The following RARRES1 variants were observed in gnomAD, a reference collection of about 807,000 sequenced individuals.
RARRES1 encodes retinoic acid receptor responder 1, also known as retinoic acid receptor responder protein 1.
A neutral mutation model predicts 30.6 loss-of-function variants in RARRES1; 34 were observed. The ratio of observed to expected loss-of-function variants is 1.11; its 90% confidence interval spans 0.84 to 1.48. The LOEUF is 1.48. RARRES1 is among the 40% of genes most tolerant of loss of function. The pLI is 0.00. For synonymous variants in RARRES1, 153 were observed against 155.5 expected (o/e 0.98, Z 0.12); for missense variants, 373 against 386.5 (o/e 0.97, Z 0.29).
At chr3:158,722,171 C>A (rs551194023) in intron 1 of RARRES1, among the ~76,000 whole-genome samples, 11 of 151,308 alleles carry the variant, frequency 7.3e-5, no homozygotes, top group African/African-American at 2.7e-4. Context: ...AAAATTCCCT[C>A]CTTGCTTCCT....
intron 1 of RARRES1, among the ~76,000 whole-genome samples, chr3:158,726,456 G>A (rs1348405673): frequency 6.6e-6 from 1 of 152,228 alleles, no homozygotes; most frequent in African/African-American, 2.4e-5. Context: ...CTCCTGCCTA[G>A]TGGCCTATAT....
intron 3 of RARRES1, among the ~76,000 whole-genome samples, chr3:158,708,903 C>T (rs571136477): frequency 5.3e-5 from 8 of 152,244 alleles, no homozygotes; most frequent in Non-Finnish European, 1.0e-4. Context: ...GTGATCCGCC[C>T]GCCTCGGCCT....
chr3:158,698,230 G>T, intron 4 of RARRES1: 1 of 428,430 alleles, frequency 2.3e-6, no homozygotes, highest in Non-Finnish European at 4.2e-6. Context: ...GGAATAGGGA[G>T]ATTCTTTTAA....
In RARRES1 at chr3:158,713,814, C is replaced by T. The variant is rs770276644; in HGVS notation, c.322G>A (p.Glu108Lys). 9.3e-6 allele frequency: 15 copies of T among 1,613,928 alleles called. No individual in the cohort carries two copies. In the South Asian group the frequency reaches 1.5e-4, roughly 17 times the overall value. ...CAGCTTACCTCTGGGTTGTAGCGCTCTGTGCTGAAGACCACGTGAACTTTA... is the reference window on the plus strand; with the variant it reads ...CAGCTTACCTCTGGGTTGTAGCGCTTTGTGCTGAAGACCACGTGAACTTTA... The part of the protein sequence containing the change: ...GCKVHVVFST[E>K]RYNPESLLQE... Residue 108 changes from glutamate (E) to lysine (K), a missense_variant, in exon 2 of 6, where the codon GAG becomes AAG. Coordinates refer to ENST00000237696, the MANE Select transcript of RARRES1 (RefSeq NM_206963.2).
At chr3:158,730,352 C>T (rs1378249364) in intron 1 of RARRES1, among the ~76,000 whole-genome samples, 1 of 128,952 alleles carries the variant, frequency 7.8e-6, no homozygotes, top group East Asian at 2.3e-4. Context: ...AGACAGGTGA[C>T]AAGAATAGGT....
chr3:158,723,948 C>T lies in RARRES1; in HGVS notation c.276+8192G>A, dbSNP rs774748292. On this transcript the variant is annotated intron_variant, in intron 1 of 5. Coordinates refer to ENST00000237696, the MANE Select transcript of RARRES1 (RefSeq NM_206963.2). The surrounding 1 kb of genome is among the most constrained non-coding windows in gnomAD (Gnocchi z 4.4). ...GTCTCTAGCAGGCCATGTGCTAGTG[C>T]AATGAAGGAGATAGAGACATGATAT... is the stretch of plus-strand genomic sequence containing the variant. Among the ~76,000 whole-genome samples the T allele has an allele frequency of 6.6e-6, 1 of 152,192 alleles. No homozygotes were observed. Among genetic ancestry groups the T allele is most frequent in the Non-Finnish European group, 1.5e-5 (1 of 68,032 alleles).
rs1727938104 is a variant in RARRES1, at chr3:158,732,347, C to G, written c.69G>C (p.Pro23=). The change falls in exon 1 of 6, where the codon CCG becomes CCC. Residue 23 remains proline (P), a synonymous_variant. Coordinates refer to ENST00000237696, the MANE Select transcript of RARRES1 (RefSeq NM_206963.2). ...SGPRGPRPTA[P]LLALLLLLAP... Reference sequence around the variant, plus strand: ...CGAGCAACAGCAGCAGCGCGAGCAGCGGGGCGGTGGGGCGCGGGCCCCTGG... The same window carrying G: ...CGAGCAACAGCAGCAGCGCGAGCAGGGGGGCGGTGGGGCGCGGGCCCCTGG... 2 of 1,423,256 alleles carry G rather than the reference C, an allele frequency of 1.4e-6. No homozygotes were observed. The highest frequency in any genetic ancestry group is 1.8e-6 in the Non-Finnish European group (2 of 1,096,474). The allele number at this position is 1,423,256 out of a possible 1,614,324, so 88.2% of individuals were successfully genotyped here. A position where few individuals can be genotyped will look rare whatever the true frequency, so the allele number is the denominator to read the frequency against.
intron 4 of RARRES1, among the ~76,000 whole-genome samples, chr3:158,701,209 C>T (rs1010399464): frequency 3.6e-4 from 55 of 152,240 alleles, no homozygotes; most frequent in Non-Finnish European, 6.5e-4. Flanking sequence ...GCTAAAGGTA[C>T]GGGCTTATCC....
At chr3:158,720,986 G>A (rs1229790321) in intron 1 of RARRES1, among the ~76,000 whole-genome samples, 5 of 152,240 alleles carry the variant, frequency 3.3e-5, no homozygotes, top group Non-Finnish European at 5.9e-5. Context: ...ACCTCAACCC[G>A]TAACAGATGG....
chr3:158,713,160 C>T (rs1241059518), intron 2 of RARRES1, among the ~76,000 whole-genome samples: 3 of 152,158 alleles, frequency 2.0e-5, no homozygotes, highest in East Asian at 3.9e-4. Flanking sequence ...AGCATTTGAG[C>T]TGGTCTCCTC....
Position 158,708,853 on chromosome 3 carries a change from T to G in RARRES1, c.535+1885A>C, listed in dbSNP as rs111995278. ...GGCTATTTTTCAGTAGAGATGGGGTTTCACCGTGTTAGCCAGGATGGTCTC... is the reference window on the plus strand; with the variant it reads ...GGCTATTTTTCAGTAGAGATGGGGTGTCACCGTGTTAGCCAGGATGGTCTC... On this transcript the variant is annotated intron_variant, in intron 3 of 5. Transcript: ENST00000237696. Among the ~76,000 whole-genome samples the G allele has an allele frequency of 4.0e-3, 608 of 152,126 alleles. 4 individuals are homozygous for G. Among genetic ancestry groups the G allele is most frequent in the African/African-American group, 0.014 (589 of 41,474 alleles).
intron 3 of RARRES1, 47 bp from the exon 4 acceptor site, chr3:158,704,974 C>CA (rs1379319281): frequency 3.8e-6 from 6 of 1,577,094 alleles, no homozygotes; most frequent in Non-Finnish European, 1.7e-6. Flanking sequence ...ATTTTTGAGA[C>CA]AAAATCTCAG....
intron 1 of RARRES1, among the ~76,000 whole-genome samples, chr3:158,728,207 G>T (rs1304951260): frequency 7.3e-6 from 1 of 136,260 alleles, no homozygotes; most frequent in Admixed American, 7.2e-5. Context: ...ATACTATTTC[G>T]TTTAAAAAAA....
chr3:158,718,136 G>T (rs1015374151), intron 1 of RARRES1, among the ~76,000 whole-genome samples: 1 of 151,952 alleles, frequency 6.6e-6, no homozygotes, highest in Non-Finnish European at 1.5e-5. Flanking sequence ...ATGCCACCAG[G>T]CCCAGCTAAT....
Position 158,704,905 on chromosome 3 carries a change from G to T in RARRES1, c.558C>A (p.Pro186=), listed in dbSNP as rs149621974. 2.0e-4 allele frequency: 322 copies of T among 1,612,896 alleles called. 1 individual carries two copies. Among genetic ancestry groups the T allele is most frequent in the Non-Finnish European group, 2.8e-5 (33 of 1,179,564 alleles). ...CCAAATCCCAGATGAGTCTCAGAGA[G>T]GGATCAATATGTCCATGATTATCTG... ...SIPDNHGHID[P]SLRLIWDLAF... The change falls in exon 4 of 6, where the codon CCC becomes CCA. Residue 186 remains proline, a synonymous_variant. Coordinates refer to ENST00000237696, the MANE Select transcript of RARRES1 (RefSeq NM_206963.2).
At chr3:158,727,589 C>T (rs902931042) in intron 1 of RARRES1, among the ~76,000 whole-genome samples, 1 of 152,216 alleles carries the variant, frequency 6.6e-6, no homozygotes, top group Non-Finnish European at 1.5e-5. Context: ...AAGTAAGGGA[C>T]AGCCTTGAAT....
At chr3:158,718,924 C>CT (rs2108146808) in intron 1 of RARRES1, among the ~76,000 whole-genome samples, 1 of 152,258 alleles carries the variant, frequency 6.6e-6, no homozygotes, top group African/African-American at 2.4e-5. Flanking sequence ...ACAATTCTAG[C>CT]TTTCCTGAGG....
Position 158,697,420 on chromosome 3 carries a change from T to G in RARRES1, c.*258A>C, listed in dbSNP as rs1468874096. On this transcript the variant is annotated 3_prime_UTR_variant, in exon 6 of 6. Transcript: ENST00000237696. ...ACACTGATTATCCAGGTTTTACATT[T>G]TAGGGCTGAAACCCTGAGGAACCTG... 1 of 338,232 alleles carries G rather than the reference T, an allele frequency of 3.0e-6. No homozygotes were observed. Among genetic ancestry groups the G allele is most frequent in the Non-Finnish European group, 5.3e-6 (1 of 188,020 alleles). 21.0% of individuals were successfully genotyped at this position (338,232 alleles called of 1,614,324 possible).
intron 1 of RARRES1, among the ~76,000 whole-genome samples, chr3:158,724,150 C>T (rs1727601390): frequency 6.6e-6 from 1 of 152,046 alleles, no homozygotes; most frequent in Admixed American, 6.5e-5. Flanking sequence ...CTGCAGAGGT[C>T]AGCAAGACAG....
Sources: gnomAD v4.1 joint callset for allele counts (sites outside exome capture counted in the v4.1 genomes callset) on GRCh38, gnomAD v4.1.1 for gene constraint, Gnocchi (gnomAD v3.1) non-coding constraint, MANE v1.5 for transcripts, NCBI Gene and HGNC (gene_info 2026-07-23, HGNC 2026-07-21) for gene names.